ODAM: variants seen among roughly 807,000 people sequenced by gnomAD.
The protein encoded by ODAM is odontogenic, ameloblast associated, also known as odontogenic ameloblast-associated protein.
ODAM carries 55 observed loss-of-function variants against 48.5 expected under a neutral mutation model. That is an observed-to-expected ratio of 1.13 (90% CI 0.91 to 1.42). The LOEUF (loss-of-function observed/expected upper bound fraction) is 1.42, where lower values mean the gene tolerates loss of function less well. ODAM is among the 40% of genes most tolerant of loss of function. ODAM has a pLI of 0.00. For missense variants in ODAM, 353 were observed against 323.6 expected (o/e 1.09, Z -0.70); for synonymous variants, 127 against 107.8 (o/e 1.18, Z -1.10).
At position 70,202,763 on chromosome 4, in the gene ODAM, G is replaced by A. The variant is rs778564270; in HGVS notation, c.656G>A (p.Gly219Glu). ...CATTCTCATTCTCTGTAGTCAACAG[G>A]AGAAGAGATACCATATTTACAAAAA... is the stretch of plus-strand genomic sequence containing the variant. Reference protein sequence around the residue: ...TAPEIAVMSTGEEIPYLQKEA... With the variant: ...TAPEIAVMSTEEEIPYLQKEA... The change falls in exon 10 of 12, where the codon GGA becomes GAA. Residue 219 changes from glycine (G) to glutamate (E), a missense_variant. By Grantham distance (98) the Gly-to-Glu change is moderately conservative. Transcript: ENST00000683306. 10 of 1,609,038 alleles carry A rather than the reference G, an allele frequency of 6.2e-6. No homozygotes were observed. The highest frequency in any genetic ancestry group is 1.7e-6 in the Non-Finnish European group (2 of 1,177,640).
rs1345234941 is a variant in ODAM, at chr4:70,196,554, T to C, written c.11T>C (p.Ile4Thr). The C allele has an allele frequency of 6.3e-7, 1 of 1,585,884 alleles. No homozygotes were observed. Among genetic ancestry groups the C allele is most frequent in the Non-Finnish European group, 8.6e-7 (1 of 1,159,636 alleles). Reference sequence around the variant, plus strand: ...ATATATCATACGAAAATGAAAATTATAATTCTTCTTGGATTCCTGGGAGCC... The same window carrying C: ...ATATATCATACGAAAATGAAAATTACAATTCTTCTTGGATTCCTGGGAGCC... MKI[I>T]ILLGFLGATL... is the part of the protein sequence containing the mutation. The change falls in exon 2 of 12, where the codon ATA becomes ACA. Residue 4 changes from isoleucine to threonine, a missense_variant. Transcript: ENST00000683306.
At chr4:70,201,591 G>T in intron 8 of ODAM, 90 bp downstream of exon 8, 1 of 751,198 alleles carries the variant, frequency 1.3e-6, no homozygotes, top group South Asian at 1.5e-5. Flanking sequence ...AGCCAAAGAT[G>T]ACCAGGAGCG....
At chr4:70,202,966 A>G in intron 10 of ODAM, 49 bp downstream of exon 10, 1 of 1,527,862 alleles carries the variant, frequency 6.5e-7, no homozygotes, top group Non-Finnish European at 8.9e-7. Flanking sequence ...TCTAATGAAA[A>G]AATACAGTGA....
chr4:70,202,406 T>C (rs1310875085), intron 9 of ODAM, 77 bp downstream of exon 9: 2 of 1,130,440 alleles, frequency 1.8e-6, no homozygotes, highest in African/African-American at 1.5e-5. Flanking sequence ...TTCATTTTAA[T>C]ATCAACTCTG....
At chr4:70,196,150 A>T (rs891916869) in intron 1 of ODAM, among the ~76,000 whole-genome samples, 3 of 152,004 alleles carry the variant, frequency 2.0e-5, no homozygotes, top group Non-Finnish European at 2.9e-5. Flanking sequence ...TGCTGCAGTA[A>T]TAAGTCCCTA....
intron 6 of ODAM, chr4:70,200,146 T>C: frequency 2.2e-6 from 1 of 447,306 alleles, no homozygotes; most frequent in Middle Eastern, 3.3e-4. Context: ...CTCAAAAATA[T>C]AGGGTAAGTG....
chr4:70,196,125 C>T (rs1383436), intron 1 of ODAM, among the ~76,000 whole-genome samples: 16,500 of 151,992 alleles, frequency 0.11, 1,057 homozygotes, highest in Admixed American at 0.19. Flanking sequence ...TACTTTTCAA[C>T]ATAGACATTA....
At chr4:70,201,285 G>T (rs1729487299) in intron 7 of ODAM, among the ~76,000 whole-genome samples, 169 bp from the exon 8 acceptor site, 2 of 151,722 alleles carry the variant, frequency 1.3e-5, no homozygotes, top group South Asian at 4.1e-4. Context: ...GTATTAAAAA[G>T]ATTCTTGTTA....
At chr4:70,198,474 A>G (rs924967005) in intron 5 of ODAM, 105 bp from the exon 6 acceptor site, 11 of 895,618 alleles carry the variant, frequency 1.2e-5, no homozygotes, top group Non-Finnish European at 1.9e-5. Context: ...GAAACTTGTT[A>G]ACACAAAGGA....
At chr4:70,198,767 G>T (rs1190692397) in intron 6 of ODAM, 141 bp downstream of exon 6, 6 of 724,974 alleles carry the variant, frequency 8.3e-6, no homozygotes, top group Middle Eastern at 2.4e-4. Flanking sequence ...TCATTGCTGG[G>T]CTAGTATCAG....
At chr4:70,203,246 C>G in intron 11 of ODAM, 32 bp downstream of exon 11, 1 of 1,207,706 alleles carries the variant, frequency 8.3e-7, no homozygotes, top group Non-Finnish European at 1.2e-6. Flanking sequence ...GAATTAGGTG[C>G]CACGACAATT....
chr4:70,204,069 A>G (rs1210144790), intron 11 of ODAM, 106 bp from the exon 12 acceptor site: 2 of 152,006 alleles, frequency 1.3e-5, no homozygotes, highest in Non-Finnish European at 2.9e-5. Context: ...AATGCCAGTG[A>G]AAGAAAAGCT....
At position 70,198,396 on chromosome 4, in the gene ODAM, A is replaced by G. The variant is rs547404472; in HGVS notation, c.376-183A>G. 1.1e-4 allele frequency among the ~76,000 whole-genome samples: 17 copies of G among 152,164 alleles called. 1 individual carries two copies. The Middle Eastern group carries it at 0.014, about 122-fold the overall frequency. On this transcript the variant is annotated intron_variant, in intron 5 of 11. Transcript: ENST00000683306. ...CAAAAAAGTTAAAAACAAGTCTAGG[A>G]TAAGATAGGAAAACTTCAATAATAG...
rs370230737 is a variant in ODAM, at chr4:70,203,189, G to A, written c.*4G>A. ...TGACAGCCTAAGGGAACCATAAGAAGTTGCCCTGATCATTCAGACATTTTG... is the reference window on the plus strand; with the variant it reads ...TGACAGCCTAAGGGAACCATAAGAAATTGCCCTGATCATTCAGACATTTTG... On this transcript the variant is annotated 3_prime_UTR_variant, in exon 11 of 12. Transcript: ENST00000683306. 1,352 of 1,599,534 alleles carry A rather than the reference G, an allele frequency of 8.5e-4. 3 individuals are homozygous for A. Among genetic ancestry groups the A allele is most frequent in the Admixed American group, 1.5e-3 (90 of 59,720 alleles).
rs1392753832 is a variant in ODAM, at chr4:70,200,554, G to A, written c.481G>A (p.Val161Ile). Residue 161 changes from valine (V) to isoleucine (I), a missense_variant, in exon 7 of 12, where the codon GTT (valine) becomes ATT (isoleucine). By Grantham distance (29) the Val-to-Ile change is conservative. Transcript: ENST00000683306. ...ACCCTGGGAACAACCTCAGCAAACA[G>A]TTCCAAGGTCACCTCAACAAACAAG... The part of the protein sequence containing the change: ...VLPWEQPQQT[V>I]PRSPQQTRQQ... The A allele has an allele frequency of 1.9e-6, 3 of 1,611,486 alleles. No individual in the cohort carries two copies. Among genetic ancestry groups the A allele is most frequent in the South Asian group, 2.2e-5 (2 of 90,992 alleles).
At position 70,197,305 on chromosome 4, in the gene ODAM, TG is replaced by T; in HGVS notation, c.126del (p.Leu42PhefsTer39). 6.9e-7 allele frequency: 1 copy of T among 1,447,422 alleles called. No homozygotes were observed. Among genetic ancestry groups the T allele is most frequent in the Non-Finnish European group, 9.7e-7 (1 of 1,029,852 alleles). 89.7% of individuals were successfully genotyped at this position (1,447,422 alleles called of 1,614,324 possible). On this transcript the variant is annotated frameshift_variant, in exon 4 of 12. Transcript: ENST00000683306. LOFTEE classifies it high-confidence loss of function. ...CTTAATCTTAATAATGGTCAACTTT[TG>T]CCACTACAACTTCAGGTACCTCCAT... ...LLLNLNNGQL[L>X]PLQLQGPLNS...
At chr4:70,196,425 A>G (rs1729364240) in intron 1 of ODAM, 104 bp from the exon 2 acceptor site, 6 of 602,520 alleles carry the variant, frequency 1.0e-5, no homozygotes, top group Non-Finnish European at 1.7e-5. Context: ...AGTAAATACT[A>G]TAGAATTCAC....
Position 70,200,557 on chromosome 4 carries a change from C to G in ODAM, c.484C>G (p.Pro162Ala), listed in dbSNP as rs147658676. ...CTGGGAACAACCTCAGCAAACAGTT[C>G]CAAGGTCACCTCAACAAACAAGACA... ...LPWEQPQQTV[P>A]RSPQQTRQQQ... Residue 162 changes from proline (P) to alanine (A), a missense_variant, in exon 7 of 12, where the codon CCA (proline) becomes GCA (alanine). Transcript: ENST00000683306. The G allele has an allele frequency of 6.8e-6, 11 of 1,611,316 alleles. No homozygotes were observed. The highest frequency in any genetic ancestry group is 4.5e-5 in the East Asian group (2 of 44,744).
In ODAM at chr4:70,200,060, C is replaced by A. The variant is rs34556554; in HGVS notation, c.424-437C>A. 8 of 427,840 alleles carry A rather than the reference C, an allele frequency of 1.9e-5. No homozygotes were observed. In the East Asian group the frequency reaches 6.1e-4, roughly 33 times the overall value. 26.5% of individuals were successfully genotyped at this position (427,840 alleles called of 1,614,324 possible). A position where few individuals can be genotyped will look rare whatever the true frequency, so the allele number is the denominator to read the frequency against. Reference sequence around the variant, plus strand: ...GGATTATTTTAATAAAGTAGCAATTCTTAAAGGCAATACATTCATAGCATT... The same window carrying A: ...GGATTATTTTAATAAAGTAGCAATTATTAAAGGCAATACATTCATAGCATT... On this transcript the variant is annotated intron_variant, in intron 6 of 11. Coordinates refer to ENST00000683306, the MANE Select transcript of ODAM (RefSeq NM_017855.4).
Sources: gnomAD v4.1 joint callset for allele counts (sites outside exome capture counted in the v4.1 genomes callset) on GRCh38, gnomAD v4.1.1 for gene constraint, MANE v1.5 for transcripts, NCBI Gene and HGNC (gene_info 2026-07-23, HGNC 2026-07-21) for gene names.